C9orf85: variants seen among roughly 807,000 people sequenced by gnomAD.
The protein encoded by C9orf85 is uncharacterized protein C9orf85.
In C9orf85, 16 loss-of-function variants were observed where a neutral mutation model predicts 14.9. The ratio of observed to expected loss-of-function variants is 1.08; its 90% CI spans 0.73 to 1.63. C9orf85 has a LOEUF of 1.63. Ranked by LOEUF, C9orf85 falls within the 40% of genes most tolerant of loss-of-function variation. C9orf85 has a pLI of 0.00. For synonymous variants in C9orf85, 45 were observed against 56.8 expected (o/e 0.79, Z 0.93); for missense variants, 172 against 186.1 (o/e 0.92, Z 0.44).
chr9:71,965,503 A>G (rs904325825), intron 2 of C9orf85, among the ~76,000 whole-genome samples: 4 of 152,098 alleles, frequency 2.6e-5, no homozygotes, highest in Admixed American at 6.5e-5. Flanking sequence ...TTTTCCTACT[A>G]TTTTATTGCC....
intron 1 of C9orf85, among the ~76,000 whole-genome samples, chr9:71,927,458 G>GA (rs1172234944): frequency 6.6e-6 from 1 of 151,416 alleles, no homozygotes; most frequent in African/African-American, 2.4e-5. Flanking sequence ...TCTTTTAGAA[G>GA]AAAAAAAAGT....
chr9:71,928,166 A>AACAG (rs1827974132), intron 1 of C9orf85, among the ~76,000 whole-genome samples: 2 of 130,486 alleles, frequency 1.5e-5, no homozygotes, highest in South Asian at 5.1e-4. Context: ...CAGCCTGGGC[A>AACAG]ACAGAATGAG....
At chr9:71,964,961 C>G (rs932635399) in intron 2 of C9orf85, among the ~76,000 whole-genome samples, 1 of 152,192 alleles carries the variant, frequency 6.6e-6, no homozygotes. Context: ...CGGCAATGGG[C>G]ACCTGGTAAG....
At chr9:71,974,158 C>G (rs1822959798), downstream of C9orf85, among the ~76,000 whole-genome samples, 1 of 151,676 alleles carries the variant, frequency 6.6e-6, no homozygotes, top group African/African-American at 2.4e-5. Flanking sequence ...AACTCCTGAC[C>G]TCAGGTGATC....
chr9:71,961,061 C>T (rs1231680525), intron 2 of C9orf85, among the ~76,000 whole-genome samples: 9 of 149,604 alleles, frequency 6.0e-5, no homozygotes, highest in East Asian at 4.0e-4. Flanking sequence ...TACAGGCATG[C>T]GCCACCACAC....
At chr9:71,940,444 A>G (rs1821892368) in intron 1 of C9orf85, among the ~76,000 whole-genome samples, 1 of 152,182 alleles carries the variant, frequency 6.6e-6, no homozygotes, top group Non-Finnish European at 1.5e-5. Flanking sequence ...TTAAAGAAAC[A>G]AACAAACAAA....
At chr9:71,952,872 T>TA (rs5898242) in intron 2 of C9orf85, among the ~76,000 whole-genome samples, 135,561 of 147,940 alleles carry the variant, frequency 0.92, 63,096 homozygotes, top group East Asian at 1. Context: ...CTCTACCTAT[T>TA]AAAAAAAAAA....
chr9:71,923,857 C>G (rs1359973744), intron 1 of C9orf85, among the ~76,000 whole-genome samples: 4 of 152,126 alleles, frequency 2.6e-5, no homozygotes, highest in Non-Finnish European at 4.4e-5. Flanking sequence ...TGTAAATTTC[C>G]TTAGATTGTT....
intron 1 of C9orf85, chr9:71,918,283 T>TA: frequency 9.1e-5 from 36 of 397,358 alleles, no homozygotes; most frequent in Non-Finnish European, 1.5e-4. Flanking sequence ...ACACTAATTA[T>TA]ATTAGTGTTC....
chr9:71,915,330 A>G (rs7032630), intron 1 of C9orf85, among the ~76,000 whole-genome samples: 144,165 of 151,766 alleles, frequency 0.95, 68,939 homozygotes, highest in East Asian at 1. Context: ...TCAGGGGCAC[A>G]CAACCATGCC....
At chr9:71,984,774 G>A (rs112590752), downstream of C9orf85, 75 of 152,368 alleles carry the variant, frequency 4.9e-4, no homozygotes, top group African/African-American at 1.8e-3. Context: ...AAGTGTGAGT[G>A]AGATTTAGGA....
At chr9:71,976,746 C>G (rs1440377698), downstream of C9orf85, among the ~76,000 whole-genome samples, 1 of 146,162 alleles carries the variant, frequency 6.8e-6, no homozygotes, top group Non-Finnish European at 1.5e-5. Flanking sequence ...TTTTTCAACT[C>G]CTCAGGTGAT....
Position 71,952,366 on chromosome 9 carries a change from TATTC to T in C9orf85, c.209+5259_209+5262del, listed in dbSNP as rs1241912428. Among the ~76,000 whole-genome samples the T allele has an allele frequency of 4.4e-5, 5 of 113,502 alleles. No individual in the cohort carries two copies. In the East Asian group the frequency reaches 1.3e-3, roughly 29 times the overall value. 74.5% of individuals were successfully genotyped at this position (113,502 alleles called of 152,430 possible). A position where few individuals can be genotyped will look rare whatever the true frequency, so the allele number is the denominator to read the frequency against. On this transcript the variant is annotated intron_variant, in intron 2 of 3. Transcript: ENST00000334731. ...GCTTTTATTTATTTATTTATTTATT[TATTC>T]ATTCTATTTTTTGAGACGGAGTCTC...
intron 1 of C9orf85, among the ~76,000 whole-genome samples, chr9:71,931,806 A>T (rs1008118139): frequency 6.6e-6 from 1 of 152,210 alleles, no homozygotes; most frequent in African/African-American, 2.4e-5. Context: ...TGTTGTTTAA[A>T]CTATAAGAAT....
rs148538016 is a variant in C9orf85, at chr9:71,921,920, ATT to A, written c.102+10093_102+10094del. On this transcript the variant is annotated intron_variant, in intron 1 of 3. Transcript: ENST00000334731. ...ATTTATTTGTTTTGGTTGGCTTTTT[ATT>A]TTTTTTTTATTATTATTATTATTAT... Among the ~76,000 whole-genome samples, 167 of 146,810 alleles carry A rather than the reference ATT, an allele frequency of 1.1e-3. 1 individual carries two copies. The highest frequency in any genetic ancestry group is 4.1e-3 in the African/African-American group (160 of 39,170).
At position 71,958,497 on chromosome 9, in the gene C9orf85, G is replaced by T. The variant is rs192834098; in HGVS notation, c.209+11385G>T. Among the ~76,000 whole-genome samples the T allele has an allele frequency of 1.8e-4, 28 of 151,866 alleles. 1 individual carries two copies. Among genetic ancestry groups the T allele is most frequent in the Admixed American group, 1.7e-3 (26 of 15,206 alleles). On this transcript the variant is annotated intron_variant, in intron 2 of 3. Coordinates refer to ENST00000334731, the MANE Select transcript of C9orf85 (RefSeq NM_182505.5). ...GGCTGGTCTCGAACTCTTGACCTCA[G>T]GTGATCCGCCCGCCTCAGCCTCCCA...
chr9:71,920,766 T>C (rs1827780352), intron 1 of C9orf85, among the ~76,000 whole-genome samples: 1 of 152,210 alleles, frequency 6.6e-6, no homozygotes, highest in South Asian at 2.1e-4. Context: ...GATAAAGGAA[T>C]AGCTGACATG....
At chr9:71,952,822 C>T (rs1389738871) in intron 2 of C9orf85, among the ~76,000 whole-genome samples, 2 of 150,852 alleles carry the variant, frequency 1.3e-5, no homozygotes, top group Admixed American at 6.6e-5. Context: ...ATGTGGCAGA[C>T]GAATACCCCC....
chr9:71,973,339 A>C lies in C9orf85; in HGVS notation c.*497A>C, dbSNP rs1822940191. On this transcript the variant is annotated 3_prime_UTR_variant, in exon 4 of 4. Coordinates refer to ENST00000334731, the MANE Select transcript of C9orf85 (RefSeq NM_182505.5). ...TCAAACTAAACAAGATTCAGAATTG[A>C]TGGTTGTATAAGAACTAGCTCATGT... 1 of 152,188 alleles carries C rather than the reference A, an allele frequency of 6.6e-6. No individual in the cohort carries two copies. 9.4% of individuals were successfully genotyped at this position (152,188 alleles called of 1,614,324 possible). A position where few individuals can be genotyped will look rare whatever the true frequency, so the allele number is the denominator to read the frequency against.
Sources: allele counts gnomAD v4.1 joint callset (sites outside exome capture counted in the v4.1 genomes callset), GRCh38; gene constraint gnomAD v4.1.1; transcripts MANE v1.5; gene names NCBI Gene and HGNC (gene_info 2026-07-23, HGNC 2026-07-21).